Variants in WWP2 observed in about 807,000 individuals in gnomAD.
WWP2 encodes NEDD4-like E3 ubiquitin-protein ligase WWP2.
Under a neutral mutation model 121.0 loss-of-function variants are expected in WWP2, and 57 were observed. That is an observed-to-expected ratio of 0.47 (90% CI 0.38 to 0.59). The LOEUF (loss-of-function observed/expected upper bound fraction) is 0.59, where lower values mean the gene tolerates loss of function less well. Ranked by LOEUF, WWP2 falls within the 20% of genes least tolerant of loss-of-function variation. The pLI is 0.00. For missense variants in WWP2, 962 were observed against 1,158.9 expected, an observed-to-expected ratio of 0.83 and a Z score of 2.47; for synonymous variants, 449 against 441.3, an observed-to-expected ratio of 1.02 and a Z score of -0.22.
intron 19 of WWP2, 50 bp downstream of exon 19, chr16:69,936,502 A>G (rs2058800908): frequency 6.2e-7 from 1 of 1,605,550 alleles, no homozygotes; most frequent in African/African-American, 1.4e-5. Context: ...GTGGAGATCT[A>G]GTGGGTTGCA....
intron 2 of WWP2, among the ~76,000 whole-genome samples, chr16:69,791,867 C>T (rs1379542869): frequency 6.6e-6 from 1 of 152,130 alleles, no homozygotes; most frequent in Non-Finnish European, 1.5e-5. Context: ...TGAGCCTCTG[C>T]ACCTGTCCAG....
rs1297065506 is a variant in WWP2 at position 69,940,874 on chromosome 16, C to G, written c.*934C>G. On this transcript the variant is annotated 3_prime_UTR_variant, in exon 24 of 24. Transcript: ENST00000359154. Reference sequence around the variant, plus strand: ...GGCAGAATGAGAGGGGTTGAGGTCCCGAGCGCCACTCCTAGCCTTGCCGCC... The same window carrying G: ...GGCAGAATGAGAGGGGTTGAGGTCCGGAGCGCCACTCCTAGCCTTGCCGCC... 6.5e-6 allele frequency: 1 copy of G among 153,708 alleles called. No homozygotes were observed. The highest frequency in any genetic ancestry group is 2.4e-5 in the African/African-American group (1 of 41,444). The allele number at this position is 153,708 out of a possible 1,614,324, so 9.5% of individuals were successfully genotyped here.
intron 4 of WWP2, among the ~76,000 whole-genome samples, chr16:69,809,583 A>G (rs1473475991): frequency 1.3e-5 from 2 of 152,140 alleles, no homozygotes; most frequent in South Asian, 4.1e-4. Flanking sequence ...CCTGACCAAC[A>G]TGGTGGAACC....
At chr16:69,905,788 C>A (rs181447968) in intron 8 of WWP2, among the ~76,000 whole-genome samples, 26 of 152,316 alleles carry the variant, frequency 1.7e-4, no homozygotes, top group Admixed American at 5.9e-4. Flanking sequence ...AATTTCAGTT[C>A]ATCTTCCTTT....
chr16:69,924,823 C>G (rs888689481), intron 10 of WWP2, among the ~76,000 whole-genome samples: 30 of 148,664 alleles, frequency 2.0e-4, no homozygotes, highest in Non-Finnish European at 3.4e-4. Flanking sequence ...GAGGTGAGGG[C>G]TTGGGGCATG....
chr16:69,849,939 G>A (rs1452961329), intron 6 of WWP2, among the ~76,000 whole-genome samples: 1 of 152,160 alleles, frequency 6.6e-6, no homozygotes, highest in Non-Finnish European at 1.5e-5. Flanking sequence ...CATTTACTCT[G>A]TATGAGCCTA....
chr16:69,777,309 C>CT lies in WWP2; in HGVS notation c.-15-9678dup, dbSNP rs201135806. 4.9e-3 allele frequency among the ~76,000 whole-genome samples: 741 copies of CT among 150,370 alleles called. 9 individuals carry two copies. The highest frequency in any genetic ancestry group is 0.017 in the African/African-American group (692 of 41,006). On this transcript the variant is annotated intron_variant, in intron 1 of 23. Coordinates refer to ENST00000359154, the MANE Select transcript of WWP2 (RefSeq NM_001270454.2). ...TGTGTGTGATATACTTTTATATTTT[C>CT]TTTTTTTTTGAAACGGAGTCTCATT...
chr16:69,878,416 C>T (rs959798020), intron 7 of WWP2, among the ~76,000 whole-genome samples: 4 of 152,210 alleles, frequency 2.6e-5, no homozygotes, highest in Admixed American at 2.6e-4. Flanking sequence ...GTATATAAAA[C>T]ATGCAGAGTG....
chr16:69,894,675 C>A (rs1392702031), intron 8 of WWP2, among the ~76,000 whole-genome samples: 1 of 152,128 alleles, frequency 6.6e-6, no homozygotes, highest in Non-Finnish European at 1.5e-5. Flanking sequence ...TGGTTCAGGC[C>A]GTGGGCAATG....
intron 1 of WWP2, among the ~76,000 whole-genome samples, chr16:69,785,602 C>T (rs1291650009): frequency 6.6e-6 from 1 of 151,940 alleles, no homozygotes; most frequent in African/African-American, 2.4e-5. Context: ...GACAGGGACA[C>T]CTCATGGCGA....
At chr16:69,872,000 G>A (rs1460032159) in intron 7 of WWP2, 69 bp downstream of exon 7, 16 of 1,542,152 alleles carry the variant, frequency 1.0e-5, no homozygotes, top group South Asian at 3.6e-5. Flanking sequence ...ACGTGGACAC[G>A]GGATCCTGCC....
At chr16:69,763,519 G>A (rs2038662709) in intron 1 of WWP2, among the ~76,000 whole-genome samples, 1 of 152,228 alleles carries the variant, frequency 6.6e-6, no homozygotes, top group Admixed American at 6.5e-5. Context: ...GTAGGAAAAA[G>A]TACTTTCCTA....
At chr16:69,909,491 G>A in intron 9 of WWP2, 1 of 985,456 alleles carries the variant, frequency 1.0e-6, no homozygotes, top group Non-Finnish European at 1.2e-6. Flanking sequence ...TCAGGCGTGT[G>A]CCACACACAT....
At chr16:69,816,414 C>T (rs1370276990) in intron 4 of WWP2, among the ~76,000 whole-genome samples, 1 of 148,512 alleles carries the variant, frequency 6.7e-6, no homozygotes, top group African/African-American at 2.5e-5. Context: ...AGACCCACCG[C>T]TCTATTAAAA....
At chr16:69,826,187 G>A (rs899998476) in intron 4 of WWP2, among the ~76,000 whole-genome samples, 5 of 149,896 alleles carry the variant, frequency 3.3e-5, no homozygotes, top group Non-Finnish European at 3.0e-5. Context: ...GAATCGCTTG[G>A]ACTGAGGAGG....
chr16:69,764,473 G>A (rs988706684), intron 1 of WWP2, among the ~76,000 whole-genome samples: 6 of 152,180 alleles, frequency 3.9e-5, no homozygotes, highest in Non-Finnish European at 7.3e-5. Context: ...AATTACAGGT[G>A]TAAGTCACCA....
rs974617322 is a variant in WWP2, at chr16:69,820,360, G to A, written c.341-19766G>A. ...GGGTTCAAGTGATTCTCCTGCCTCC[G>A]CCTCCTGAGTAGCTGGGATTAAAGG... On this transcript the variant is annotated intron_variant, in intron 4 of 23. Transcript: ENST00000359154. Among the ~76,000 whole-genome samples, 5 of 152,180 alleles carry A rather than the reference G, an allele frequency of 3.3e-5. No individual in the cohort carries two copies. The East Asian group carries it at 5.8e-4, about 18-fold the overall frequency.
intron 7 of WWP2, among the ~76,000 whole-genome samples, chr16:69,876,779 A>G (rs2057743427): frequency 6.6e-6 from 1 of 152,174 alleles, no homozygotes; most frequent in African/African-American, 2.4e-5. Flanking sequence ...CTCCTTGTAA[A>G]TCTCCATCAG....
chr16:69,908,989 T>G, intron 9 of WWP2, 139 bp downstream of exon 9: 1 of 1,469,148 alleles, frequency 6.8e-7, no homozygotes, highest in Non-Finnish European at 9.0e-7. Flanking sequence ...GCTTTTCCTA[T>G]CCACTTACCT....
Sources: allele counts gnomAD v4.1 joint callset (sites outside exome capture counted in the v4.1 genomes callset), GRCh38; gene constraint gnomAD v4.1.1; transcripts MANE v1.5; gene names NCBI Gene and HGNC (gene_info 2026-07-23, HGNC 2026-07-21).